TJP1: variants seen among roughly 807,000 people sequenced by gnomAD.
The protein encoded by TJP1 is tight junction protein ZO-1.
TJP1 carries 43 observed loss-of-function variants against 194.2 expected under a neutral mutation model. That is an observed-to-expected ratio of 0.22 (90% CI 0.17 to 0.29). The LOEUF (loss-of-function observed/expected upper bound fraction) is 0.29. Among genes scored for constraint, TJP1 ranks in the 10% least tolerant of loss-of-function variants. The pLI, the probability that TJP1 is intolerant of heterozygous loss-of-function variation, is 1.00. For synonymous variants in TJP1, 801 were observed against 779.0 expected (o/e 1.03, Z -0.47); for missense variants, 1,971 against 2,185.7 (o/e 0.90, Z 1.96).
At chr15:29,844,770 G>A (rs1182056170) in intron 2 of TJP1, among the ~76,000 whole-genome samples, 2 of 152,160 alleles carry the variant, frequency 1.3e-5, no homozygotes, top group Non-Finnish European at 2.9e-5. Flanking sequence ...CAATTGGTGA[G>A]ATCAATCTGG....
chr15:29,851,253 A>C (rs1003163526), intron 2 of TJP1, among the ~76,000 whole-genome samples: 1 of 152,078 alleles, frequency 6.6e-6, no homozygotes, highest in Non-Finnish European at 1.5e-5. Flanking sequence ...CAGAAACAAA[A>C]AGCAAGGAAA....
intron 1 of TJP1, among the ~76,000 whole-genome samples, chr15:29,815,076 C>T (rs1013684646): frequency 1.3e-5 from 2 of 152,146 alleles, no homozygotes; most frequent in Non-Finnish European, 2.9e-5. Context: ...ATAAAACTCC[C>T]TACCCACGTA....
At chr15:29,843,211 G>C (rs2051292388) in intron 2 of TJP1, among the ~76,000 whole-genome samples, 1 of 144,036 alleles carries the variant, frequency 6.9e-6, no homozygotes, top group African/African-American at 2.6e-5. Flanking sequence ...TTTTTGAGAC[G>C]GAGTTTCGCT....
chr15:29,708,869 C>T lies in TJP1; in HGVS notation c.4540G>A (p.Glu1514Lys). ...FPDKAPVNGT[E>K]QTQKTVTPAY... is the part of the protein sequence containing the mutation. ...GGAGTGACTGTTTTCTGAGTCTGTTCAGTTCCATTAACTGGGGCTTTATCT... is the reference window on the plus strand; with the variant it reads ...GGAGTGACTGTTTTCTGAGTCTGTTTAGTTCCATTAACTGGGGCTTTATCT... Residue 1514 changes from glutamate (E) to lysine (K), a missense_variant, in exon 25 of 28, where the codon GAA becomes AAA. Transcript: ENST00000614355. 3.1e-6 allele frequency: 5 copies of T among 1,614,104 alleles called. 1 individual carries two copies. In the South Asian group the frequency reaches 5.5e-5, roughly 18 times the overall value.
intron 2 of TJP1, among the ~76,000 whole-genome samples, chr15:29,855,213 T>TC (rs1198294298): frequency 6.6e-6 from 1 of 152,164 alleles, no homozygotes; most frequent in Non-Finnish European, 1.5e-5. Context: ...GTTTATATCT[T>TC]CAAGAACACT....
At chr15:29,858,191 A>T (rs1218158848) in intron 2 of TJP1, among the ~76,000 whole-genome samples, 1 of 152,118 alleles carries the variant, frequency 6.6e-6, no homozygotes, top group African/African-American at 2.4e-5. Flanking sequence ...CCTTGAGCTC[A>T]TGAGTTCGAG....
At chr15:29,717,627 T>C (rs922668499) in intron 22 of TJP1, among the ~76,000 whole-genome samples, 2 of 152,236 alleles carry the variant, frequency 1.3e-5, no homozygotes, top group African/African-American at 4.8e-5. Flanking sequence ...AAGCACCTTA[T>C]GCATGCTCAC....
At position 29,910,839 on chromosome 15, in the gene TJP1, G is replaced by A. The variant is rs556321355; in HGVS notation, c.306+45393C>T. 6.6e-5 allele frequency among the ~76,000 whole-genome samples: 10 copies of A among 152,260 alleles called. No homozygotes were observed. The South Asian group carries it at 1.9e-3, about 28-fold the overall frequency. ...TTCTGCATTGTCAATTATATGTGAT[G>A]GGGTAAACTAAAAGAGAGTGACAGA... is the stretch of plus-strand genomic sequence containing the variant. On this transcript the variant is annotated intron_variant, in intron 2 of 28. Transcript: ENST00000356107.
intron 2 of TJP1, among the ~76,000 whole-genome samples, chr15:29,829,460 C>T (rs954746831): frequency 6.6e-6 from 1 of 152,078 alleles, no homozygotes; most frequent in Non-Finnish European, 1.5e-5. Context: ...TGGAGTTTCA[C>T]ATTTCTGATT....
intron 1 of TJP1, among the ~76,000 whole-genome samples, chr15:29,965,666 T>C (rs1034058935): frequency 3.3e-5 from 5 of 152,196 alleles, no homozygotes; most frequent in African/African-American, 1.2e-4. Context: ...CAATGCTCCA[T>C]GTGCGGTTGC....
At chr15:29,832,860 T>C (rs937085993) in intron 2 of TJP1, among the ~76,000 whole-genome samples, 1 of 152,226 alleles carries the variant, frequency 6.6e-6, no homozygotes, top group Non-Finnish European at 1.5e-5. Context: ...GCAGATGGCC[T>C]GGCCTTTCTC....
At chr15:29,787,958 C>T (rs527583499) in intron 2 of TJP1, among the ~76,000 whole-genome samples, 2 of 152,302 alleles carry the variant, frequency 1.3e-5, no homozygotes, top group East Asian at 3.9e-4. Flanking sequence ...GTTTTAATTT[C>T]TCCACATCCT....
chr15:29,827,008 T>C (rs1379044625), upstream of TJP1, among the ~76,000 whole-genome samples: 1 of 152,128 alleles, frequency 6.6e-6, no homozygotes, highest in East Asian at 1.9e-4. Flanking sequence ...GCTGGTCCTC[T>C]CCCACTCTGC....
At chr15:29,722,003 C>T (rs2042956910) in intron 18 of TJP1, among the ~76,000 whole-genome samples, 1 of 152,190 alleles carries the variant, frequency 6.6e-6, no homozygotes, top group African/African-American at 2.4e-5. Context: ...AGCATGTGTT[C>T]ATATGTGTGC....
At chr15:29,948,258 CACA>C (rs2055351636) in intron 2 of TJP1, among the ~76,000 whole-genome samples, 1 of 111,950 alleles carries the variant, frequency 8.9e-6, no homozygotes. Flanking sequence ...AACACTCCAT[CACA>C]AAAAAAAAAA....
intron 2 of TJP1, among the ~76,000 whole-genome samples, chr15:29,790,755 T>TC (rs1056920277): frequency 9.9e-5 from 15 of 151,060 alleles, no homozygotes; most frequent in Non-Finnish European, 1.9e-4. Context: ...ATTTTTCTTT[T>TC]TTTTTTTTTT....
At chr15:29,802,972 G>A (rs186129874) in intron 1 of TJP1, among the ~76,000 whole-genome samples, 16 of 152,282 alleles carry the variant, frequency 1.1e-4, no homozygotes, top group East Asian at 3.9e-4. Context: ...GTAAGAAGAT[G>A]TTAATCAAAT....
chr15:29,849,956 G>A (rs2051577719), intron 2 of TJP1, among the ~76,000 whole-genome samples: 1 of 152,082 alleles, frequency 6.6e-6, no homozygotes, highest in South Asian at 2.1e-4. Context: ...GGCCCTGTGG[G>A]TTCCTTGTTC....
chr15:29,748,560 A>C (rs1384035821), intron 8 of TJP1, among the ~76,000 whole-genome samples: 2 of 130,854 alleles, frequency 1.5e-5, no homozygotes, highest in Non-Finnish European at 3.1e-5. Flanking sequence ...AAACCTTCCT[A>C]ATTCTTTTTT....
Sources: allele counts gnomAD v4.1 joint callset (sites outside exome capture counted in the v4.1 genomes callset), GRCh38; gene constraint gnomAD v4.1.1; transcripts MANE v1.5; gene names NCBI Gene and HGNC (gene_info 2026-07-23, HGNC 2026-07-21).